C2orf78: variants seen among roughly 807,000 people sequenced by gnomAD.
C2orf78 encodes uncharacterized protein C2orf78.
In C2orf78, 12 loss-of-function variants were observed where a neutral mutation model predicts 21.4. The ratio of observed to expected loss-of-function variants is 0.56; its 90% CI spans 0.36 to 0.91. The LOEUF is 0.91. C2orf78 is among the 40% of genes least tolerant of loss of function. The pLI is 0.01. For missense variants in C2orf78, 1,042 were observed against 1,092.4 expected, an observed-to-expected ratio of 0.95 and a Z score of 0.65; for synonymous variants, 396 against 413.9, an observed-to-expected ratio of 0.96 and a Z score of 0.52.
exon 2 of C2orf78, chr2:73,814,200 A>C: frequency 6.3e-7 from 1 of 1,583,342 alleles, no homozygotes; most frequent in African/African-American, 1.3e-5. Context: ...GTGTCTTCTC[A>C]ACCCATCACA....
At chr2:73,786,022 G>C (rs573858551) in intron 1 of C2orf78, among the ~76,000 whole-genome samples, 22 of 151,760 alleles carry the variant, frequency 1.4e-4, no homozygotes, top group Non-Finnish European at 2.9e-4. Flanking sequence ...CTCCAGCCTG[G>C]GCAATAAGAG....
chr2:73,786,232 T>C (rs1215782444), intron 1 of C2orf78, among the ~76,000 whole-genome samples: 1 of 151,276 alleles, frequency 6.6e-6, no homozygotes, highest in Non-Finnish European at 1.5e-5. Context: ...ATATAAGAAT[T>C]AGCTGGGTGT....
chr2:73,792,514 T>C lies in C2orf78; in HGVS notation c.97+8108T>C, dbSNP rs1465576022. Among the ~76,000 whole-genome samples, 292 of 145,514 alleles carry C rather than the reference T, an allele frequency of 2.0e-3. 12 individuals are homozygous for C. The highest frequency in any genetic ancestry group is 7.6e-3 in the African/African-American group (281 of 36,814). ...AAAAAAAAAAAAGAATTGTCTATTT[T>C]GTTAATACAAAATAGGTATGTTGAA... On this transcript the variant is annotated intron_variant, in intron 1 of 2. Coordinates refer to ENST00000409561, the Ensembl canonical transcript of C2orf78.
At chr2:73,815,342 A>G (rs1161147894) in exon 3 of C2orf78, 2 of 1,614,000 alleles carry the variant, frequency 1.2e-6, no homozygotes, top group African/African-American at 1.3e-5. Flanking sequence ...CAAAGCCTCT[A>G]GATGTCCACC....
chr2:73,812,326 T>C (rs1385249836), intron 1 of C2orf78, among the ~76,000 whole-genome samples: 1 of 152,224 alleles, frequency 6.6e-6, no homozygotes, highest in Non-Finnish European at 1.5e-5. Context: ...TTTAGTTCCA[T>C]GATTTTATGT....
chr2:73,814,266 C>T (rs776000128), intron 2 of C2orf78, 40 bp downstream of exon 2: 8 of 1,515,408 alleles, frequency 5.3e-6, no homozygotes, highest in East Asian at 4.6e-5. Flanking sequence ...ATAATGTCAG[C>T]GTTGAAAAGG....
chr2:73,817,109 G>T, exon 3 of C2orf78: 8 of 1,176,128 alleles, frequency 6.8e-6, no homozygotes, highest in Non-Finnish European at 5.6e-6. Context: ...TAATAGAATT[G>T]ATTAATAGAT....
exon 2 of C2orf78, chr2:73,813,832 T>C (rs770803543): frequency 6.2e-7 from 1 of 1,614,004 alleles, no homozygotes; most frequent in South Asian, 1.1e-5. Flanking sequence ...CTGTCATTGA[T>C]CAGAACACAG....
intron 1 of C2orf78, among the ~76,000 whole-genome samples, chr2:73,808,203 A>G (rs1215523996): frequency 6.6e-6 from 1 of 150,996 alleles, no homozygotes; most frequent in Non-Finnish European, 1.5e-5. Context: ...GCAGTGAGCC[A>G]AGATCACGCC....
rs1318523435 is a variant in C2orf78, at chr2:73,784,904, T to G, written c.97+498T>G. 4.0e-5 allele frequency among the ~76,000 whole-genome samples: 6 copies of G among 151,320 alleles called. No homozygotes were observed. The South Asian group carries it at 1.2e-3, about 31-fold the overall frequency. On this transcript the variant is annotated intron_variant, in intron 1 of 2. Transcript: ENST00000409561. ...TCAGCCAGGCACGGTGGCTCACACC[T>G]GTAATCTCAGCACTTTGGGAGGCCA...
At chr2:73,813,750 C>A (rs1673134689) in exon 2 of C2orf78, 1 of 1,614,014 alleles carries the variant, frequency 6.2e-7, no homozygotes. Flanking sequence ...GCCTCTTATC[C>A]AGGCGTTTTT....
At chr2:73,814,293 C>T (rs1039670602) in intron 2 of C2orf78, 67 bp downstream of exon 2, 20 of 1,480,578 alleles carry the variant, frequency 1.4e-5, no homozygotes, top group Admixed American at 2.2e-5. Context: ...AAATCTGTAG[C>T]GAGTGGTGAG....
rs747870943 is a variant in C2orf78, at chr2:73,814,097, T to C, written c.718T>C (p.Ser240Pro). 8.1e-5 allele frequency: 131 copies of C among 1,613,062 alleles called. 2 individuals carry two copies. In the Admixed American group the frequency reaches 2.1e-3, roughly 26 times the overall value. Reference sequence around the variant, plus strand: ...TGTGTCATACACAGGATATAGGGCTTCTGCCCATCAACCAGAAATGGTGAT... The same window carrying C: ...TGTGTCATACACAGGATATAGGGCTCCTGCCCATCAACCAGAAATGGTGAT... The change falls in exon 2 of 3, where the codon TCT becomes CCT. Residue 240 changes from serine to proline, a missense_variant. Physicochemically the swap from Ser to Pro is moderately conservative, Grantham distance 74 (BLOSUM62 -1). Around this residue, in one of 2 missense-constraint regions of C2orf78, gnomAD observed 1,039 missense variants for 1,069.7 expected, o/e 0.97. Transcript: ENST00000409561.
chr2:73,784,221 G>C, exon 1 of C2orf78: 1 of 1,512,158 alleles, frequency 6.6e-7, no homozygotes, highest in Admixed American at 2.0e-5. Flanking sequence ...GTAGCATCTT[G>C]GGGTTTCCTG....
At chr2:73,814,958 A>C (rs2103991922) in intron 2 of C2orf78, 113 bp from the exon 3 acceptor site, 1 of 981,442 alleles carries the variant, frequency 1.0e-6, no homozygotes, top group Non-Finnish European at 1.5e-6. Flanking sequence ...GTCCTTAAGA[A>C]GAGCTAGTAG....
chr2:73,784,433 TTTTCATGAGA>T (rs1672883116), intron 1 of C2orf78, 27 bp downstream of exon 1: 1 of 728,356 alleles, frequency 1.4e-6, no homozygotes, highest in Non-Finnish European at 2.2e-6. Context: ...TTTAAAAAGG[TTTTCATGAGA>T]TTTCTTTGCC....
chr2:73,815,727 A>G (rs774880076), exon 3 of C2orf78: 158 of 1,613,608 alleles, frequency 9.8e-5, no homozygotes, highest in Non-Finnish European at 1.2e-4. Flanking sequence ...AGTCAGGAAG[A>G]ACAAGCATAA....
At chr2:73,807,965 C>A (rs542425295) in intron 1 of C2orf78, among the ~76,000 whole-genome samples, 1 of 150,994 alleles carries the variant, frequency 6.6e-6, no homozygotes, top group African/African-American at 2.5e-5. Flanking sequence ...CCCTTAAAAT[C>A]GGCAGTAGGG....
chr2:73,813,338 G>A (rs1673125955), intron 1 of C2orf78, 139 bp from the exon 2 acceptor site: 1 of 852,762 alleles, frequency 1.2e-6, no homozygotes, highest in Admixed American at 3.0e-5. Flanking sequence ...ATCATAAACT[G>A]TTTGGCTTTT....
Sources: gnomAD v4.1 joint callset for allele counts (sites outside exome capture counted in the v4.1 genomes callset) on GRCh38, gnomAD v4.1.1 for gene constraint, gnomAD v4.1.1 regional missense constraint, MANE v1.5 for transcripts, NCBI Gene and HGNC (gene_info 2026-07-23, HGNC 2026-07-21) for gene names.